PCDH15: variants seen among roughly 807,000 people sequenced by gnomAD.
PCDH15 encodes the protein protocadherin-15.
A neutral mutation model predicts 178.5 loss-of-function variants in PCDH15; 129 were observed. That is an observed-to-expected ratio of 0.72 (90% CI 0.63 to 0.84). The LOEUF (loss-of-function observed/expected upper bound fraction) is 0.84. PCDH15 is among the 40% of genes least tolerant of loss of function. PCDH15 has a pLI of 0.00. For synonymous variants in PCDH15, 800 were observed against 732.0 expected, an observed-to-expected ratio of 1.09 and a Z score of -1.50; for missense variants, 2,230 against 2,099.9, an observed-to-expected ratio of 1.06 and a Z score of -1.21.
chr10:53,915,739 T>C (rs566408800), intron 25 of PCDH15, among the ~76,000 whole-genome samples: 9 of 152,272 alleles, frequency 5.9e-5, no homozygotes, highest in African/African-American at 2.2e-4. Flanking sequence ...TTTGTATTTT[T>C]AGTAGAGACG....
At chr10:54,035,543 T>G (rs2610832) in intron 18 of PCDH15, among the ~76,000 whole-genome samples, 2,430 of 152,022 alleles carry the variant, frequency 0.016, 60 homozygotes, top group African/African-American at 0.055. Context: ...TGTATACATT[T>G]TTTTGACACA....
chr10:54,132,929 A>G lies in PCDH15; in HGVS notation c.1863T>C (p.Tyr621=). ...QSPPRFPQLM[Y]SLEISEAMRV... ...TCATGGCTTCACTAATTTCAAGGCT[A>G]TACATCAGCTGTGGGAAGCGAGGAG... Residue 621 remains tyrosine, a synonymous_variant, in exon 15 of 38, where the codon TAT becomes TAC. Coordinates refer to ENST00000644397, the MANE Select transcript of PCDH15 (RefSeq NM_001384140.1). The G allele has an allele frequency of 1.9e-6, 3 of 1,614,082 alleles. No individual in the cohort carries two copies. Among genetic ancestry groups the G allele is most frequent in the Middle Eastern group, 1.7e-4 (1 of 6,060 alleles).
chr10:55,373,449 C>T (rs1377548760), intron 2 of PCDH15, among the ~76,000 whole-genome samples: 1 of 151,890 alleles, frequency 6.6e-6, no homozygotes, highest in Non-Finnish European at 1.5e-5. Flanking sequence ...CTCAAAATGG[C>T]AGCATTTCCA....
intron 2 of PCDH15, among the ~76,000 whole-genome samples, chr10:54,598,309 G>GGATAAAGGGT (rs2092342618): frequency 6.6e-6 from 1 of 152,004 alleles, no homozygotes; most frequent in Admixed American, 6.6e-5. Context: ...GGGATGCAAG[G>GGATAAAGGGT]TTTGTTCAAT....
At chr10:54,286,244 G>GAT (rs1224605940) in intron 8 of PCDH15, among the ~76,000 whole-genome samples, 3 of 152,142 alleles carry the variant, frequency 2.0e-5, no homozygotes, top group Non-Finnish European at 2.9e-5. Flanking sequence ...TGAGATGATG[G>GAT]ATATGCTGTA....
At chr10:54,669,310 T>C (rs2135482958) in intron 1 of PCDH15, among the ~76,000 whole-genome samples, 1 of 151,860 alleles carries the variant, frequency 6.6e-6, no homozygotes, top group East Asian at 1.9e-4. Flanking sequence ...TCCTTCCTTC[T>C]AGATCATATT....
chr10:54,758,099 C>T (rs7909576), intron 1 of PCDH15, among the ~76,000 whole-genome samples: 2,091 of 152,128 alleles, frequency 0.014, 51 homozygotes, highest in African/African-American at 0.049. Context: ...ATAAATTTAC[C>T]TAAAATATTT....
intron 1 of PCDH15, among the ~76,000 whole-genome samples, chr10:54,688,029 G>A (rs1224313867): frequency 2.0e-5 from 3 of 151,772 alleles, no homozygotes; most frequent in South Asian, 2.1e-4. Flanking sequence ...CTCACGTTAA[G>A]CATTCTAACC....
intron 1 of PCDH15, among the ~76,000 whole-genome samples, chr10:54,774,963 T>A (rs2133317633): frequency 6.6e-6 from 1 of 152,320 alleles, no homozygotes; most frequent in South Asian, 2.1e-4. Context: ...GCATCACCTT[T>A]GTAATTCCAC....
intron 2 of PCDH15, among the ~76,000 whole-genome samples, chr10:55,607,578 A>T (rs1210380471): frequency 2.7e-5 from 4 of 147,484 alleles, no homozygotes; most frequent in African/African-American, 1.0e-4. Context: ...ATAAAAATTG[A>T]TGAGTTCATG....
rs569743691 is a variant in PCDH15, at chr10:54,146,760, T to C, written c.1784+6340A>G. On this transcript the variant is annotated intron_variant, in intron 14 of 37. Coordinates refer to ENST00000644397, the MANE Select transcript of PCDH15 (RefSeq NM_001384140.1). ...TGGATGAAAGCTGTCAATTTTAAAA[T>C]AATAATATAGAAAACTGTCTAAATT... 2.4e-3 allele frequency among the ~76,000 whole-genome samples: 367 copies of C among 151,034 alleles called. 2 individuals are homozygous for C. The highest frequency in any genetic ancestry group is 8.0e-3 in the African/African-American group (329 of 41,362).
chr10:55,135,880 G>A (rs944714982), intron 2 of PCDH15, among the ~76,000 whole-genome samples: 14 of 151,884 alleles, frequency 9.2e-5, no homozygotes, highest in African/African-American at 2.7e-4. Flanking sequence ...CACTGTGCCC[G>A]GCATAAAGCT....
intron 2 of PCDH15, among the ~76,000 whole-genome samples, chr10:55,023,950 C>T (rs1158699182): frequency 6.7e-6 from 1 of 148,886 alleles, no homozygotes; most frequent in Non-Finnish European, 1.5e-5. Flanking sequence ...GAGTTTACAT[C>T]TGAATCAGAG....
intron 2 of PCDH15, among the ~76,000 whole-genome samples, chr10:55,492,688 G>GA (rs555966011): frequency 1.8e-4 from 27 of 151,796 alleles, no homozygotes; most frequent in Admixed American, 1.6e-3. Context: ...AGTGCACGGG[G>GA]AAAAAATGCA....
chr10:53,897,085 G>A (rs969442842), intron 26 of PCDH15, among the ~76,000 whole-genome samples: 3 of 152,262 alleles, frequency 2.0e-5, no homozygotes, highest in Non-Finnish European at 4.4e-5. Context: ...AAAGGTTGGG[G>A]ACCGCTGGTG....
chr10:53,983,142 C>G (rs183549634), intron 21 of PCDH15, among the ~76,000 whole-genome samples: 158 of 152,052 alleles, frequency 1.0e-3, no homozygotes, highest in Non-Finnish European at 2.0e-3. Context: ...GATTTTGTAA[C>G]AGTGCAATTC....
intron 1 of PCDH15, among the ~76,000 whole-genome samples, chr10:54,713,086 A>C (rs1391084834): frequency 1.3e-5 from 2 of 152,074 alleles, no homozygotes; most frequent in Non-Finnish European, 2.9e-5. Flanking sequence ...GGTAAGTGTG[A>C]ACATTCCTTC....
chr10:55,064,956 A>G (rs1320449526), intron 2 of PCDH15, among the ~76,000 whole-genome samples: 1 of 152,056 alleles, frequency 6.6e-6, no homozygotes, highest in Non-Finnish European at 1.5e-5. Context: ...AAAAATCTCA[A>G]TGAGATGTTA....
intron 17 of PCDH15, among the ~76,000 whole-genome samples, chr10:54,071,081 T>A (rs983346498): frequency 6.6e-6 from 1 of 152,206 alleles, no homozygotes; most frequent in Non-Finnish European, 1.5e-5. Flanking sequence ...GGAAATGACA[T>A]GGCAAAATAA....
Sources: gnomAD v4.1 joint callset for allele counts (sites outside exome capture counted in the v4.1 genomes callset) on GRCh38, gnomAD v4.1.1 for gene constraint, MANE v1.5 for transcripts, NCBI Gene and HGNC (gene_info 2026-07-23, HGNC 2026-07-21) for gene names.